The following KCNQ1 variants were observed in gnomAD, a reference collection of about 807,000 sequenced individuals.
KCNQ1 encodes potassium voltage-gated channel subfamily Q member 1.
In KCNQ1, 49 loss-of-function variants were observed where a neutral mutation model predicts 72.4. The ratio of observed to expected loss-of-function variants is 0.68; its 90% CI spans 0.54 to 0.86. The LOEUF is 0.86. Ranked by LOEUF, KCNQ1 falls within the 40% of genes least tolerant of loss-of-function variation. KCNQ1 has a pLI of 0.00. For synonymous variants in KCNQ1, 450 were observed against 412.6 expected (o/e 1.09, Z -1.10); for missense variants, 790 against 945.1 (o/e 0.84, Z 2.15).
Position 2,703,596 on chromosome 11 carries a change from G to A in KCNQ1, c.1514+41515G>A, listed in dbSNP as rs1017642095. 6.6e-6 allele frequency among the ~76,000 whole-genome samples: 1 copy of A among 151,974 alleles called. No homozygotes were observed. Among genetic ancestry groups the A allele is most frequent in the East Asian group, 2.0e-4 (1 of 5,118 alleles). ...TTAGAGTGGGGGTGGGGGATTAGGGGAGGAAGTTGCTGAGCTAATTCTTTT... is the reference window on the plus strand; with the variant it reads ...TTAGAGTGGGGGTGGGGGATTAGGGAAGGAAGTTGCTGAGCTAATTCTTTT... On this transcript the variant is annotated intron_variant, in intron 11 of 15. Transcript: ENST00000155840. This position sits in a 1 kb window ranked among gnomAD's most constrained non-coding sequence, Gnocchi z 6.4.
intron 10 of KCNQ1, chr11:2,640,863 T>G: frequency 2.5e-6 from 1 of 399,670 alleles, no homozygotes; most frequent in South Asian, 1.3e-4. Context: ...GTATCTATCC[T>G]TCTACTCTCT....
At position 2,526,217 on chromosome 11, in the gene KCNQ1, G is replaced by A. The variant is rs373011559; in HGVS notation, c.387-1711G>A. Among the ~76,000 whole-genome samples, 6 of 152,252 alleles carry A rather than the reference G, an allele frequency of 3.9e-5. No homozygotes were observed. In the South Asian group the frequency reaches 6.2e-4, roughly 16 times the overall value. Reference sequence around the variant, plus strand: ...GCACGACATGGAGGGTTCACTGACTGGCTGGGTGTGTGGGCTGGGGGCGCC... The same window carrying A: ...GCACGACATGGAGGGTTCACTGACTAGCTGGGTGTGTGGGCTGGGGGCGCC... On this transcript the variant is annotated intron_variant, in intron 1 of 15. Coordinates refer to ENST00000155840, the MANE Select transcript of KCNQ1 (RefSeq NM_000218.3). This position sits in a 1 kb window ranked among gnomAD's most constrained non-coding sequence, Gnocchi z 6.1.
At chr11:2,814,293 GGATGGATGGATA>G (rs1220745616) in intron 15 of KCNQ1, among the ~76,000 whole-genome samples, 8 of 148,718 alleles carry the variant, frequency 5.4e-5, no homozygotes, top group African/African-American at 2.0e-4. Flanking sequence ...ATGGATGGAT[GGATGGATGGATA>G]GATGGATGGA....
intron 10 of KCNQ1, chr11:2,638,512 T>C (rs1284226502): frequency 6.6e-6 from 1 of 152,196 alleles, no homozygotes; most frequent in Non-Finnish European, 1.5e-5. Context: ...CCCCACTCTC[T>C]TCTGGCTTGT....
chr11:2,619,587 T>C (rs1849129345), intron 10 of KCNQ1: 1 of 398,476 alleles, frequency 2.5e-6, no homozygotes. Context: ...TTAAGGATTT[T>C]TGCATCGGTA....
In KCNQ1 at chr11:2,450,756, G is replaced by C. The variant is rs1381191390; in HGVS notation, c.386+5272G>C. On this transcript the variant is annotated intron_variant, in intron 1 of 15. Coordinates refer to ENST00000155840, the MANE Select transcript of KCNQ1 (RefSeq NM_000218.3). This position sits in a 1 kb window ranked among gnomAD's most constrained non-coding sequence, Gnocchi z 7.9. ...CGTGGTTGACAAAGGGAGGCGGCTG[G>C]TGTCTCTGGTACTGGCTGGGTGACC... 6.6e-6 allele frequency among the ~76,000 whole-genome samples: 1 copy of C among 152,168 alleles called. No individual in the cohort carries two copies. Among genetic ancestry groups the C allele is most frequent in the East Asian group, 1.9e-4 (1 of 5,200 alleles).
At chr11:2,643,761 T>C (rs1849616871) in intron 10 of KCNQ1, 1 of 398,470 alleles carries the variant, frequency 2.5e-6, no homozygotes, top group African/African-American at 2.1e-5. Context: ...CCCTTAAGCA[T>C]TTTTTGTAGT....
chr11:2,580,168 C>G (rs764300343), intron 6 of KCNQ1, among the ~76,000 whole-genome samples: 5 of 152,144 alleles, frequency 3.3e-5, no homozygotes, highest in African/African-American at 4.8e-5. Flanking sequence ...GCAGGAGCTC[C>G]CCACTGGCCT....
At position 2,661,137 on chromosome 11, in the gene KCNQ1, G is replaced by A. The variant is rs1849949293; in HGVS notation, c.1394-824G>A. 1 of 398,458 alleles carries A rather than the reference G, an allele frequency of 2.5e-6. No individual in the cohort carries two copies. The highest frequency in any genetic ancestry group is 4.4e-6 in the Non-Finnish European group (1 of 226,072). 24.7% of individuals were successfully genotyped at this position (398,458 alleles called of 1,614,324 possible). A position where few individuals can be genotyped will look rare whatever the true frequency, so the allele number is the denominator to read the frequency against. ...TGCTGCTCGGATGAGCAGAGAGGGTGGGCTAGGGATCTAGTTGGCAGTTAA... is the reference window on the plus strand; with the variant it reads ...TGCTGCTCGGATGAGCAGAGAGGGTAGGCTAGGGATCTAGTTGGCAGTTAA... On this transcript the variant is annotated intron_variant, in intron 10 of 15. Coordinates refer to ENST00000155840, the MANE Select transcript of KCNQ1 (RefSeq NM_000218.3). The surrounding 1 kb of genome is among the most constrained non-coding windows in gnomAD (Gnocchi z 5.9).
intron 1 of KCNQ1, among the ~76,000 whole-genome samples, chr11:2,496,495 CTT>C: frequency 1.1e-3 from 33 of 29,838 alleles, no homozygotes; most frequent in African/African-American, 2.9e-3. Context: ...ACAACCCCTG[CTT>C]TTTTTTTTTT....
At position 2,602,425 on chromosome 11, in the gene KCNQ1, T is replaced by C. The variant is rs1285807877; in HGVS notation, c.1393+13571T>C. ...AACATAAGTTTTTATTTCTTTGGGA[T>C]AAAAGCCCAAGCTTGTAATTGCTGA... On this transcript the variant is annotated intron_variant, in intron 10 of 15. Transcript: ENST00000155840. The surrounding 1 kb of genome is among the most constrained non-coding windows in gnomAD (Gnocchi z 4.8). Among the ~76,000 whole-genome samples the C allele has an allele frequency of 2.0e-5, 3 of 152,262 alleles. No individual in the cohort carries two copies. In the East Asian group the frequency reaches 5.8e-4, roughly 29 times the overall value.
chr11:2,631,717 G>A, intron 10 of KCNQ1: 1 of 398,542 alleles, frequency 2.5e-6, no homozygotes. Context: ...AGCAGCTGTA[G>A]CCCAGATGAG....
intron 2 of KCNQ1, among the ~76,000 whole-genome samples, chr11:2,570,303 C>A (rs796523281): frequency 4.9e-5 from 5 of 101,788 alleles, no homozygotes; most frequent in African/African-American, 1.2e-4. Context: ...CCCTCTGGCC[C>A]AAGCTGGGGT....
intron 2 of KCNQ1, among the ~76,000 whole-genome samples, chr11:2,539,223 G>T (rs574906341): frequency 6.6e-6 from 1 of 152,366 alleles, no homozygotes; most frequent in East Asian, 1.9e-4. Flanking sequence ...AGGAAAAGGG[G>T]ATGGGGGCCT....
Position 2,565,499 on chromosome 11 carries a change from T to A in KCNQ1, c.478-5129T>A, listed in dbSNP as rs1267209168. ...AGGAACTTTGGTTTTTTAAATAATT[T>A]TAAAGCACACAAATAAGACACCTGA... is the stretch of plus-strand genomic sequence containing the variant. On this transcript the variant is annotated intron_variant, in intron 2 of 15. Coordinates refer to ENST00000155840, the MANE Select transcript of KCNQ1 (RefSeq NM_000218.3). This position sits in a 1 kb window ranked among gnomAD's most constrained non-coding sequence, Gnocchi z 5.6. Among the ~76,000 whole-genome samples, 2 of 152,190 alleles carry A rather than the reference T, an allele frequency of 1.3e-5. No individual in the cohort carries two copies. The highest frequency in any genetic ancestry group is 2.4e-5 in the African/African-American group (1 of 41,434).
Position 2,658,307 on chromosome 11 carries a change from G to A in KCNQ1, c.1394-3654G>A, listed in dbSNP as rs1266958174. On this transcript the variant is annotated intron_variant, in intron 10 of 15. Coordinates refer to ENST00000155840, the MANE Select transcript of KCNQ1 (RefSeq NM_000218.3). The surrounding 1 kb of genome is among the most constrained non-coding windows in gnomAD (Gnocchi z 4.9). ...TTTTTATTTGGAATTCCTTTATAAG[G>A]AAGATTTGTCCCTCTCCTCCAATTG... The A allele has an allele frequency of 2.5e-6, 1 of 398,330 alleles. No homozygotes were observed. Among genetic ancestry groups the A allele is most frequent in the Non-Finnish European group, 4.4e-6 (1 of 226,034 alleles). 24.7% of individuals were successfully genotyped at this position (398,330 alleles called of 1,614,324 possible). A position where few individuals can be genotyped will look rare whatever the true frequency, so the allele number is the denominator to read the frequency against.
chr11:2,614,984 A>G (rs1849038000), intron 10 of KCNQ1: 3 of 398,320 alleles, frequency 7.5e-6, no homozygotes, highest in Non-Finnish European at 1.3e-5. Context: ...TCACTGGGTA[A>G]TATCGCCAAC....
At chr11:2,751,630 AGGCGGCTGTTCTGAGAGC>A (rs1171770269) in intron 11 of KCNQ1, among the ~76,000 whole-genome samples, 3 of 152,276 alleles carry the variant, frequency 2.0e-5, no homozygotes, top group Non-Finnish European at 4.4e-5. Context: ...CTCGTCTGAC[AGGCGGCTGTTCTGAGAGC>A]GGTGGCTGTC....
In KCNQ1 at chr11:2,809,664, C is replaced by T. The variant is rs149756700; in HGVS notation, c.1794+31627C>T. Among the ~76,000 whole-genome samples, 257 of 152,316 alleles carry T rather than the reference C, an allele frequency of 1.7e-3. 1 individual carries two copies. Among genetic ancestry groups the T allele is most frequent in the African/African-American group, 5.7e-3 (235 of 41,566 alleles). On this transcript the variant is annotated intron_variant, in intron 15 of 15. Transcript: ENST00000155840. The surrounding 1 kb of genome is among the most constrained non-coding windows in gnomAD (Gnocchi z 7.1). The stretch of plus-strand genomic sequence containing the variant: ...ACTCCAGAGGGCCCCACGGCTCATG[C>T]CTGCTTCCCTGCTATCCTCCTGTGC...
Sources: allele counts gnomAD v4.1 joint callset (sites outside exome capture counted in the v4.1 genomes callset), GRCh38; gene constraint gnomAD v4.1.1; non-coding constraint Gnocchi (gnomAD v3.1); transcripts MANE v1.5; gene names NCBI Gene and HGNC (gene_info 2026-07-23, HGNC 2026-07-21).